ME3: variants seen among roughly 807,000 people sequenced by gnomAD.
The protein encoded by ME3 is malic enzyme 3.
Under a neutral mutation model 68.9 loss-of-function variants are expected in ME3, and 48 were observed. The ratio of observed to expected loss-of-function variants is 0.70; its 90% CI spans 0.55 to 0.89. The LOEUF (loss-of-function observed/expected upper bound fraction) is 0.89, where lower values mean the gene tolerates loss of function less well. Ranked by LOEUF, ME3 falls within the 40% of genes least tolerant of loss-of-function variation. The pLI is 0.00. For missense variants in ME3, 675 were observed against 797.4 expected (o/e 0.85, Z 1.85); for synonymous variants, 320 against 318.8 (o/e 1.00, Z -0.04).
intron 2 of ME3, among the ~76,000 whole-genome samples, chr11:86,606,942 A>G (rs950392059): frequency 6.6e-6 from 1 of 152,200 alleles, no homozygotes; most frequent in Non-Finnish European, 1.5e-5. Flanking sequence ...TTCAATGCCA[A>G]ACTAGGCTTT....
intron 7 of ME3, among the ~76,000 whole-genome samples, chr11:86,473,899 T>A (rs1036549371): frequency 8.5e-5 from 13 of 152,206 alleles, no homozygotes; most frequent in Admixed American, 2.6e-4. Context: ...GACAAGGACT[T>A]AAGCAGATTG....
chr11:86,594,459 G>A (rs1281321742), intron 2 of ME3, among the ~76,000 whole-genome samples: 2 of 145,684 alleles, frequency 1.4e-5, no homozygotes, highest in African/African-American at 5.1e-5. Context: ...GGGAGGCCAA[G>A]GTGGGTGAAG....
At chr11:86,554,829 G>A (rs1233542237) in intron 4 of ME3, among the ~76,000 whole-genome samples, 1 of 152,184 alleles carries the variant, frequency 6.6e-6, no homozygotes, top group Admixed American at 6.5e-5. Context: ...ATACCCAACA[G>A]ATCCATCATG....
intron 2 of ME3, among the ~76,000 whole-genome samples, chr11:86,601,149 T>A (rs1191352880): frequency 2.6e-5 from 4 of 151,060 alleles, no homozygotes. Flanking sequence ...CTTCAAAAAA[T>A]TAATGAATCC....
At position 86,533,253 on chromosome 11, in the gene ME3, C is replaced by G. The variant is rs371641994; in HGVS notation, c.467+23300G>C. On this transcript the variant is annotated intron_variant, in intron 4 of 14. Transcript: ENST00000543262. ...GAAAAGATAAGCAAAATTGACAAAC[C>G]CTTAGCTATACTATGAAAAAAAGAG... Among the ~76,000 whole-genome samples, 4 of 151,210 alleles carry G rather than the reference C, an allele frequency of 2.6e-5. No homozygotes were observed. The South Asian group carries it at 8.4e-4, about 32-fold the overall frequency.
In ME3 at chr11:86,564,510, G is replaced by A. The variant is rs182677589; in HGVS notation, c.184-4687C>T. 8.7e-5 allele frequency among the ~76,000 whole-genome samples: 13 copies of A among 149,108 alleles called. No individual in the cohort carries two copies. The East Asian group carries it at 2.5e-3, about 29-fold the overall frequency. ...GACTGGCATAAGAATAGACATATAG[G>A]TAAATGGAATAGAATAAAGAGTTCG... On this transcript the variant is annotated intron_variant, in intron 2 of 14. Coordinates refer to ENST00000543262, the Ensembl canonical transcript of ME3.
At chr11:86,607,696 T>TA (rs1961909850) in intron 2 of ME3, among the ~76,000 whole-genome samples, 1 of 62,772 alleles carries the variant, frequency 1.6e-5, no homozygotes, top group Admixed American at 2.1e-4. Flanking sequence ...GGGAAGTCGG[T>TA]GTTTTTTTTA....
At chr11:86,656,869 G>A (rs1945922407) in intron 2 of ME3, among the ~76,000 whole-genome samples, 1 of 137,990 alleles carries the variant, frequency 7.2e-6, no homozygotes, top group Non-Finnish European at 1.6e-5. Context: ...AAAAAAAAAA[G>A]CTCATGATCA....
chr11:86,516,338 G>T (rs563462421), intron 4 of ME3, among the ~76,000 whole-genome samples: 69 of 150,860 alleles, frequency 4.6e-4, no homozygotes, highest in Non-Finnish European at 4.7e-4. Flanking sequence ...CTGAAAAGTT[G>T]TGAGTAAATA....
At chr11:86,546,812 C>T (rs1232834813) in intron 4 of ME3, among the ~76,000 whole-genome samples, 1 of 152,226 alleles carries the variant, frequency 6.6e-6, no homozygotes, top group Admixed American at 6.5e-5. Context: ...AATCCCATTA[C>T]TGGGTATATA....
At chr11:86,622,258 A>G (rs1040833681) in intron 2 of ME3, among the ~76,000 whole-genome samples, 1 of 152,056 alleles carries the variant, frequency 6.6e-6, no homozygotes, top group Non-Finnish European at 1.5e-5. Context: ...TGCCAGAGCT[A>G]AAACAAAAGC....
intron 2 of ME3, among the ~76,000 whole-genome samples, chr11:86,663,744 A>C (rs1315743746): frequency 6.6e-6 from 1 of 152,248 alleles, no homozygotes; most frequent in Non-Finnish European, 1.5e-5. Context: ...AAAAATGTGA[A>C]GTAAAATAAG....
intron 4 of ME3, among the ~76,000 whole-genome samples, chr11:86,536,747 A>G (rs1955691113): frequency 1.3e-5 from 2 of 150,628 alleles, no homozygotes; most frequent in Non-Finnish European, 3.0e-5. Flanking sequence ...AGGGATCTAG[A>G]TCTAGAAATA....
chr11:86,651,222 T>C (rs900085837), intron 2 of ME3, among the ~76,000 whole-genome samples: 18 of 152,320 alleles, frequency 1.2e-4, no homozygotes, highest in Non-Finnish European at 2.5e-4. Context: ...TAAATGTCCC[T>C]GTCTGACAGC....
At chr11:86,556,128 G>A (rs530382441) in intron 4 of ME3, among the ~76,000 whole-genome samples, 10 of 152,176 alleles carry the variant, frequency 6.6e-5, no homozygotes, top group Non-Finnish European at 1.2e-4. Flanking sequence ...AGGAAGATAT[G>A]CTGGTTTTTC....
At chr11:86,589,617 G>T (rs56323342) in intron 2 of ME3, among the ~76,000 whole-genome samples, 5 of 152,114 alleles carry the variant, frequency 3.3e-5, no homozygotes, top group Non-Finnish European at 5.9e-5. Flanking sequence ...TTCCTATTTT[G>T]TATGTTTTAA....
At chr11:86,565,039 A>G (rs1026824774) in intron 2 of ME3, among the ~76,000 whole-genome samples, 4 of 152,220 alleles carry the variant, frequency 2.6e-5, no homozygotes, top group African/African-American at 9.6e-5. Context: ...AAGGACTTGA[A>G]TGGACATTTC....
intron 7 of ME3, among the ~76,000 whole-genome samples, chr11:86,469,767 A>G (rs1362340073): frequency 6.6e-6 from 1 of 152,112 alleles, no homozygotes; most frequent in East Asian, 1.9e-4. Flanking sequence ...CAGCTGGGAA[A>G]TGGCCTTGGA....
At chr11:86,475,243 G>A (rs1179861176) in intron 7 of ME3, among the ~76,000 whole-genome samples, 1 of 152,154 alleles carries the variant, frequency 6.6e-6, no homozygotes, top group Non-Finnish European at 1.5e-5. Context: ...TCGTGATAGT[G>A]AGTTGTCATG....
Sources: allele counts gnomAD v4.1 joint callset (sites outside exome capture counted in the v4.1 genomes callset), GRCh38; gene constraint gnomAD v4.1.1; transcripts MANE v1.5; gene names NCBI Gene and HGNC (gene_info 2026-07-23, HGNC 2026-07-21).